Variants in BTRC observed in about 807,000 individuals in gnomAD.
BTRC encodes the protein beta-transducin repeat containing E3 ubiquitin protein ligase.
Under a neutral mutation model 85.5 loss-of-function variants are expected in BTRC, and 42 were observed. That is an observed-to-expected ratio of 0.49 (90% CI 0.38 to 0.64). The LOEUF (loss-of-function observed/expected upper bound fraction) is 0.64. Among genes scored for constraint, BTRC ranks in the 30% least tolerant of loss-of-function variants. BTRC has a pLI of 0.00. For missense variants in BTRC, 594 were observed against 743.5 expected, an observed-to-expected ratio of 0.80 and a Z score of 2.34; for synonymous variants, 255 against 263.3, an observed-to-expected ratio of 0.97 and a Z score of 0.30.
intron 3 of BTRC, among the ~76,000 whole-genome samples, chr10:101,476,432 G>A (rs917185250): frequency 2.0e-5 from 3 of 152,134 alleles, no homozygotes; most frequent in Admixed American, 6.5e-5. Context: ...AACATATGGA[G>A]AAGCTGGGTG....
intron 8 of BTRC, among the ~76,000 whole-genome samples, 165 bp from the exon 9 acceptor site, chr10:101,532,787 T>TGTGTGTGC (rs1329746088): frequency 9.3e-5 from 7 of 75,118 alleles, no homozygotes; most frequent in Non-Finnish European, 1.4e-4. Context: ...TGTGTGTGTG[T>TGTGTGTGC]GTGCGCGTGT....
chr10:101,410,542 A>C (rs1943747560), intron 1 of BTRC, among the ~76,000 whole-genome samples: 1 of 152,014 alleles, frequency 6.6e-6, no homozygotes, highest in African/African-American at 2.4e-5. Context: ...TGAATCTGGG[A>C]GTCGGAGATT....
intron 1 of BTRC, among the ~76,000 whole-genome samples, chr10:101,388,776 C>T (rs1183237852): frequency 6.6e-6 from 1 of 152,220 alleles, no homozygotes; most frequent in Non-Finnish European, 1.5e-5. Flanking sequence ...CAGGCATGAG[C>T]GACTGCACCC....
At chr10:101,481,239 C>T (rs1945826059) in intron 4 of BTRC, among the ~76,000 whole-genome samples, 1 of 152,234 alleles carries the variant, frequency 6.6e-6, no homozygotes, top group African/African-American at 2.4e-5. Context: ...CCACTGCACC[C>T]AGCCCAAGTC....
At chr10:101,449,682 G>A (rs374559397) in intron 2 of BTRC, among the ~76,000 whole-genome samples, 12 of 152,194 alleles carry the variant, frequency 7.9e-5, no homozygotes, top group East Asian at 1.9e-4. Flanking sequence ...TACATGATAC[G>A]TATTCTTGGC....
At chr10:101,531,718 C>CA (rs11339443) in intron 7 of BTRC, among the ~76,000 whole-genome samples, 103 of 150,396 alleles carry the variant, frequency 6.8e-4, no homozygotes, top group African/African-American at 2.4e-3. Flanking sequence ...GAGACTCCAT[C>CA]AAAAAAAAAG....
intron 3 of BTRC, among the ~76,000 whole-genome samples, chr10:101,472,803 A>T (rs1473345043): frequency 1.3e-5 from 2 of 152,154 alleles, no homozygotes; most frequent in African/African-American, 4.8e-5. Context: ...TCATTTTTTT[A>T]TGAAAAGCCT....
chr10:101,389,117 GTGTTTTTTTT>G (rs1231778059), intron 1 of BTRC, among the ~76,000 whole-genome samples: 6 of 53,048 alleles, frequency 1.1e-4, no homozygotes, highest in South Asian at 1.2e-3. Context: ...TTTTTTGTGT[GTGTTTTTTTT>G]TTTTTTTTTT....
chr10:101,407,634 G>T (rs570579179), intron 1 of BTRC, among the ~76,000 whole-genome samples: 63 of 151,964 alleles, frequency 4.1e-4, no homozygotes, highest in Non-Finnish European at 7.5e-4. Flanking sequence ...CAGGCAATCC[G>T]CCCACCTTGG....
In BTRC at chr10:101,418,341, C is replaced by G. The variant is rs530115717; in HGVS notation, c.49-12004C>G. ...CAATATTGTGCCACTGCACTCCAGC[C>G]TGGGTGACAGAGCAAGACTCTGTCT... On this transcript the variant is annotated intron_variant, in intron 1 of 14. Transcript: ENST00000370187. Among the ~76,000 whole-genome samples, 176 of 151,948 alleles carry G rather than the reference C, an allele frequency of 1.2e-3. 5 individuals carry two copies. The South Asian group carries it at 0.035, about 30-fold the overall frequency.
At chr10:101,522,352 T>TAAAAAAAAAAAAAAAAA (rs34282047) in intron 5 of BTRC, among the ~76,000 whole-genome samples, 2 of 42,060 alleles carry the variant, frequency 4.8e-5, no homozygotes, top group Admixed American at 4.0e-4. Context: ...TATAAAGCTT[T>TAAAAAAAAAAAAAAAAA]AAAAAAAAAA....
intron 2 of BTRC, 116 bp from the exon 3 acceptor site, chr10:101,461,865 A>G (rs552473611): frequency 4.3e-6 from 3 of 698,952 alleles, no homozygotes; most frequent in Non-Finnish European, 7.1e-6. Flanking sequence ...CAAGTGAATA[A>G]TTGTATAAAT....
chr10:101,381,727 A>G (rs909687957), intron 1 of BTRC, among the ~76,000 whole-genome samples: 14 of 152,126 alleles, frequency 9.2e-5, no homozygotes, highest in African/African-American at 3.4e-4. Context: ...TGAATTATCT[A>G]ATTGTTAACA....
At chr10:101,428,289 G>T (rs1944312666) in intron 1 of BTRC, among the ~76,000 whole-genome samples, 1 of 152,182 alleles carries the variant, frequency 6.6e-6, no homozygotes, top group South Asian at 2.1e-4. Flanking sequence ...GGCAGTGGGG[G>T]AAATGTCAGA....
At chr10:101,439,891 T>A (rs1028875343) in intron 2 of BTRC, among the ~76,000 whole-genome samples, 1 of 152,220 alleles carries the variant, frequency 6.6e-6, no homozygotes, top group South Asian at 2.1e-4. Context: ...GTGACATAGT[T>A]TGTTAAACTG....
At chr10:101,492,159 A>C (rs965133329) in intron 4 of BTRC, among the ~76,000 whole-genome samples, 1 of 152,228 alleles carries the variant, frequency 6.6e-6, no homozygotes, top group Non-Finnish European at 1.5e-5. Flanking sequence ...TTTATGTTTT[A>C]TACCTCAAAC....
rs1159115180 is a variant in BTRC at position 101,553,561 on chromosome 10, G to A, written c.*438G>A. 3 of 152,652 alleles carry A rather than the reference G, an allele frequency of 2.0e-5. No individual in the cohort carries two copies. Among genetic ancestry groups the A allele is most frequent in the Non-Finnish European group, 4.4e-5 (3 of 68,104 alleles). 9.5% of individuals were successfully genotyped at this position (152,652 alleles called of 1,614,324 possible). ...CTGCTGGGAGAGACCCACTTCTAGGGTATGGGGGATGCAGCTTCAAGCCCA... is the reference window on the plus strand; with the variant it reads ...CTGCTGGGAGAGACCCACTTCTAGGATATGGGGGATGCAGCTTCAAGCCCA... On this transcript the variant is annotated 3_prime_UTR_variant, in exon 15 of 15. Coordinates refer to ENST00000370187, the MANE Select transcript of BTRC (RefSeq NM_033637.4).
intron 1 of BTRC, among the ~76,000 whole-genome samples, chr10:101,383,255 G>C (rs1942983830): frequency 6.6e-6 from 1 of 151,570 alleles, no homozygotes; most frequent in Non-Finnish European, 1.5e-5. Context: ...ACAGAGATAG[G>C]GTTTTGCCCA....
chr10:101,552,193 T>C (rs1050698982), intron 14 of BTRC, among the ~76,000 whole-genome samples: 2 of 151,824 alleles, frequency 1.3e-5, no homozygotes, highest in African/African-American at 4.8e-5. Context: ...TATTTTATTT[T>C]ATTTTATTTC....
Sources: gnomAD v4.1 joint callset for allele counts (sites outside exome capture counted in the v4.1 genomes callset) on GRCh38, gnomAD v4.1.1 for gene constraint, MANE v1.5 for transcripts, NCBI Gene and HGNC (gene_info 2026-07-23, HGNC 2026-07-21) for gene names.